Variants in MFHAS1 observed in about 807,000 individuals in gnomAD.
MFHAS1 encodes the protein multifunctional ROCO family signaling regulator 1, also known as malignant fibrous histiocytoma-amplified sequence 1.
A neutral mutation model predicts 70.4 loss-of-function variants in MFHAS1; 50 were observed. The observed-to-expected ratio is 0.71, with a 90% CI of 0.57 to 0.90. The LOEUF is 0.90. Ranked by LOEUF, MFHAS1 falls within the 40% of genes least tolerant of loss-of-function variation. The probability of loss-of-function intolerance (pLI) is 0.00; values close to 1 mark genes in which losing one functional copy is unlikely to be tolerated. For missense variants in MFHAS1, 1,795 were observed against 1,347.6 expected (o/e 1.33, Z -5.20); for synonymous variants, 952 against 620.0 (o/e 1.54, Z -7.96).
At chr8:8,824,022 C>T (rs534366250) in intron 1 of MFHAS1, among the ~76,000 whole-genome samples, 1 of 149,716 alleles carries the variant, frequency 6.7e-6, no homozygotes, top group South Asian at 2.3e-4. Context: ...AATAAACATG[C>T]TTTTCATTCC....
intron 1 of MFHAS1, among the ~76,000 whole-genome samples, chr8:8,832,060 G>GCACACACACA (rs1220603806): frequency 5.3e-4 from 79 of 148,804 alleles, no homozygotes; most frequent in African/African-American, 1.9e-3. Flanking sequence ...GCGCGCGCGC[G>GCACACACACA]CGCACACACA....
intron 2 of MFHAS1, among the ~76,000 whole-genome samples, chr8:8,786,677 CAT>C (rs1805554912): frequency 6.8e-6 from 1 of 147,478 alleles, no homozygotes; most frequent in Non-Finnish European, 1.5e-5. Flanking sequence ...CCTACAATGA[CAT>C]GTGATGGGAT....
At chr8:8,872,133 G>A (rs117553032) in intron 1 of MFHAS1, among the ~76,000 whole-genome samples, 1 of 152,226 alleles carries the variant, frequency 6.6e-6, no homozygotes, top group Non-Finnish European at 1.5e-5. Context: ...GTCCATGGGA[G>A]GCAAGGGAGC....
At chr8:8,882,913 G>A (rs986066840) in intron 1 of MFHAS1, among the ~76,000 whole-genome samples, 14 of 152,220 alleles carry the variant, frequency 9.2e-5, no homozygotes, top group African/African-American at 3.4e-4. Context: ...AGCACTTTGG[G>A]AGGCCGAGGA....
At chr8:8,794,127 T>C (rs1805812085) in intron 2 of MFHAS1, among the ~76,000 whole-genome samples, 1 of 151,842 alleles carries the variant, frequency 6.6e-6, no homozygotes, top group African/African-American at 2.4e-5. Flanking sequence ...GAGGTGGAGT[T>C]TGCAATGAGC....
intron 2 of MFHAS1, among the ~76,000 whole-genome samples, chr8:8,792,718 G>A (rs1020367635): frequency 6.6e-6 from 1 of 152,216 alleles, no homozygotes; most frequent in South Asian, 2.1e-4. Context: ...TTGGGGTGAA[G>A]GAACGTTCTA....
chr8:8,891,848 G>C lies in MFHAS1; in HGVS notation c.1211C>G (p.Pro404Arg), dbSNP rs757496547. 55 of 1,612,714 alleles carry C rather than the reference G, an allele frequency of 3.4e-5. No homozygotes were observed. The highest frequency in any genetic ancestry group is 4.6e-5 in the Non-Finnish European group (54 of 1,179,734). ...AYQKELAHSQ[P>R]AVQPRLKLLL... ...CAGCTTGAGCCGGGGCTGCACCGCCGGCTGGGAATGAGCCAGTTCCTTCTG... is the reference window on the plus strand; with the variant it reads ...CAGCTTGAGCCGGGGCTGCACCGCCCGCTGGGAATGAGCCAGTTCCTTCTG... The change falls in exon 1 of 3, where the codon CCG (proline) becomes CGG (arginine). Residue 404 changes from proline (P) to arginine (R), a missense_variant. Transcript: ENST00000276282. This position sits in a 1 kb window ranked among gnomAD's most constrained non-coding sequence, Gnocchi z 5.4.
chr8:8,785,780 G>T lies in MFHAS1; in HGVS notation c.*242C>A. The T allele has an allele frequency of 2.3e-6, 1 of 436,350 alleles. No individual in the cohort carries two copies. The highest frequency in any genetic ancestry group is 4.1e-6 in the Non-Finnish European group (1 of 243,718). The allele number at this position is 436,350 out of a possible 1,614,324, so 27.0% of individuals were successfully genotyped here. On this transcript the variant is annotated 3_prime_UTR_variant, in exon 3 of 3. Coordinates refer to ENST00000276282, the MANE Select transcript of MFHAS1 (RefSeq NM_004225.3). ...CTTTTCTTCAAGTAGCGCGCTCCTT[G>T]GAGGATCACAGTTCTGAGGTTCAGG...
chr8:8,808,069 C>T (rs1806397848), intron 1 of MFHAS1, among the ~76,000 whole-genome samples: 2 of 152,208 alleles, frequency 1.3e-5, no homozygotes, highest in African/African-American at 4.8e-5. Flanking sequence ...CTGTCCAGCT[C>T]CATACCCCCC....
At chr8:8,864,349 C>A (rs550325693) in intron 1 of MFHAS1, among the ~76,000 whole-genome samples, 2 of 152,354 alleles carry the variant, frequency 1.3e-5, no homozygotes, top group South Asian at 4.1e-4. Context: ...ATGCCATTCA[C>A]ACCAAGCAAC....
At chr8:8,868,135 G>C (rs1461610501) in intron 1 of MFHAS1, among the ~76,000 whole-genome samples, 3 of 151,988 alleles carry the variant, frequency 2.0e-5, no homozygotes, top group African/African-American at 7.2e-5. Context: ...CACAGGCTCT[G>C]AGGGGGATTC....
intron 1 of MFHAS1, among the ~76,000 whole-genome samples, chr8:8,862,532 T>C (rs1808705700): frequency 6.6e-6 from 1 of 152,114 alleles, no homozygotes; most frequent in South Asian, 2.1e-4. Flanking sequence ...AAAAATTATT[T>C]AGTTTCTATG....
At chr8:8,825,322 G>A (rs184697144) in intron 1 of MFHAS1, among the ~76,000 whole-genome samples, 12 of 152,294 alleles carry the variant, frequency 7.9e-5, no homozygotes, top group East Asian at 5.8e-4. Flanking sequence ...ACAGGTGTGC[G>A]TCACCACACT....
intron 1 of MFHAS1, among the ~76,000 whole-genome samples, chr8:8,871,738 T>A (rs1380761691): frequency 6.6e-6 from 1 of 152,236 alleles, no homozygotes; most frequent in Non-Finnish European, 1.5e-5. Context: ...CCCGACTTCC[T>A]AATCCACTGA....
At chr8:8,824,878 G>C (rs1807098847) in intron 1 of MFHAS1, among the ~76,000 whole-genome samples, 1 of 152,234 alleles carries the variant, frequency 6.6e-6, no homozygotes, top group Non-Finnish European at 1.5e-5. Context: ...GCACCCTGGA[G>C]GAAGGCTGCG....
chr8:8,889,927 CCT>C (rs1196361522), intron 1 of MFHAS1, 132 bp downstream of exon 1: 9 of 707,940 alleles, frequency 1.3e-5, no homozygotes, highest in South Asian at 4.0e-5. Context: ...TCCAAATCTC[CCT>C]GTGTTTCCCT....
Position 8,891,581 on chromosome 8 carries a change from G to T in MFHAS1, c.1478C>A (p.Ser493Tyr). 6.2e-7 allele frequency: 1 copy of T among 1,613,328 alleles called. No individual in the cohort carries two copies. The highest frequency in any genetic ancestry group is 8.5e-7 in the Non-Finnish European group (1 of 1,180,044). ...CACCAGCACGTATAGGGCCCCTGGG[G>T]ACAGGAAGAAGGGCTGGATCACCTC... ...SYEVIQPFFL[S>Y]PGALYVLVVN... is the part of the protein sequence containing the mutation. Residue 493 changes from serine to tyrosine, a missense_variant, in exon 1 of 3, where the codon TCC (serine) becomes TAC (tyrosine). Transcript: ENST00000276282. The surrounding 1 kb of genome is among the most constrained non-coding windows in gnomAD (Gnocchi z 5.4).
intron 1 of MFHAS1, among the ~76,000 whole-genome samples, chr8:8,843,003 C>T (rs547182438): frequency 2.6e-5 from 4 of 152,220 alleles, no homozygotes; most frequent in South Asian, 4.1e-4. Flanking sequence ...CGGTGGCTCA[C>T]GCCTGTAATC....
intron 1 of MFHAS1, among the ~76,000 whole-genome samples, chr8:8,841,297 A>C (rs1807813192): frequency 6.6e-6 from 1 of 151,164 alleles, no homozygotes; most frequent in African/African-American, 2.4e-5. Context: ...CAACATAGTG[A>C]AACCCCATCT....
Sources: allele counts gnomAD v4.1 joint callset (sites outside exome capture counted in the v4.1 genomes callset), GRCh38; gene constraint gnomAD v4.1.1; non-coding constraint Gnocchi (gnomAD v3.1); transcripts MANE v1.5; gene names NCBI Gene and HGNC (gene_info 2026-07-23, HGNC 2026-07-21).